Variants in NF2 observed in about 807,000 individuals in gnomAD.
The protein encoded by NF2 is NF2, moesin-ezrin-radixin like (MERLIN) tumor suppressor.
Under a neutral mutation model 83.7 loss-of-function variants are expected in NF2, and 8 were observed. That is an observed-to-expected ratio of 0.10 (90% CI 0.06 to 0.17). The LOEUF (loss-of-function observed/expected upper bound fraction) is 0.17, where lower values mean the gene tolerates loss of function less well. Among genes scored for constraint, NF2 ranks in the 10% least tolerant of loss-of-function variants. The pLI is 1.00. For missense variants in NF2, 533 were observed against 744.4 expected (o/e 0.72, Z 3.31); for synonymous variants, 266 against 269.6 (o/e 0.99, Z 0.13).
chr22:29,674,760 C>A, intron 12 of NF2, 76 bp from the exon 13 acceptor site: 2 of 1,333,580 alleles, frequency 1.5e-6, no homozygotes, highest in Non-Finnish European at 2.1e-6. Context: ...GGTCCCTCCT[C>A]TGCAGGGGTG....
intron 1 of NF2, among the ~76,000 whole-genome samples, chr22:29,631,849 A>C (rs932386042): frequency 6.6e-6 from 1 of 152,240 alleles, no homozygotes; most frequent in African/African-American, 2.4e-5. Context: ...AGCACAAGGA[A>C]GTTCAGTCAC....
Position 29,641,379 on chromosome 22 carries a change from T to G in NF2, c.364-823T>G, listed in dbSNP as rs2146887634. ...ATAGAAATGGCTTTCTTGTAAGTAC[T>G]TGGAAGCACTGCCTGTCTCTTGTGT... On this transcript the variant is annotated intron_variant, in intron 3 of 15. Transcript: ENST00000338641. Among the ~76,000 whole-genome samples the G allele has an allele frequency of 2.0e-5, 3 of 152,348 alleles. No individual in the cohort carries two copies. In the South Asian group the frequency reaches 6.2e-4, roughly 32 times the overall value.
chr22:29,684,042 C>A, intron 15 of NF2: 1 of 485,108 alleles, frequency 2.1e-6, no homozygotes, highest in Non-Finnish European at 2.7e-6. Flanking sequence ...CTCATTGGAA[C>A]CTTTCTAACA....
chr22:29,649,642 T>C (rs1209293008), intron 4 of NF2, among the ~76,000 whole-genome samples: 1 of 152,080 alleles, frequency 6.6e-6, no homozygotes, highest in East Asian at 1.9e-4. Flanking sequence ...CTCAGGAGGC[T>C]GAGGCACGAG....
Position 29,636,738 on chromosome 22 carries a change from TTTG to T in NF2, c.115-10_115-8del. On this transcript the variant is annotated splice_polypyrimidine_tract_variant and intron_variant, in intron 1 of 15. Transcript: ENST00000338641. The surrounding 1 kb of genome is among the most constrained non-coding windows in gnomAD (Gnocchi z 4.4). ...TGCTCACAGTGTCCTTCCCCATTGG[TTTG>T]TTATTGCAGATGAAGTGGAAAGGGA... The T allele has an allele frequency of 6.2e-7, 1 of 1,614,098 alleles. No individual in the cohort carries two copies. Among genetic ancestry groups the T allele is most frequent in the Middle Eastern group, 1.7e-4 (1 of 6,052 alleles).
At chr22:29,641,163 C>T (rs192537678) in intron 3 of NF2, among the ~76,000 whole-genome samples, 1 of 144,134 alleles carries the variant, frequency 6.9e-6, no homozygotes, top group Non-Finnish European at 1.5e-5. Flanking sequence ...TGCAGTTTTT[C>T]TATAGCGTTG....
intron 8 of NF2, among the ~76,000 whole-genome samples, chr22:29,663,286 C>A (rs750300245): frequency 9.9e-5 from 15 of 152,204 alleles, no homozygotes; most frequent in South Asian, 2.1e-4. Context: ...AACACCCGTT[C>A]TTCAAAGAAG....
intron 6 of NF2, among the ~76,000 whole-genome samples, chr22:29,656,513 G>A (rs982241009): frequency 2.8e-5 from 4 of 143,062 alleles, no homozygotes; most frequent in South Asian, 2.3e-4. Flanking sequence ...CCAGGTTCAC[G>A]CCATTCTCCT....
At chr22:29,650,520 C>G (rs570442373) in intron 4 of NF2, among the ~76,000 whole-genome samples, 2 of 151,964 alleles carry the variant, frequency 1.3e-5, no homozygotes, top group East Asian at 3.9e-4. Flanking sequence ...TTGTTTGTTT[C>G]TTTCTTTTTC....
intron 4 of NF2, among the ~76,000 whole-genome samples, chr22:29,650,444 T>TACAA (rs1327270283): frequency 1.3e-5 from 2 of 152,200 alleles, no homozygotes; most frequent in Non-Finnish European, 2.9e-5. Flanking sequence ...TTCATAAACT[T>TACAA]ACTGTCCATT....
intron 12 of NF2, 64 bp from the exon 13 acceptor site, chr22:29,674,772 G>C (rs939490305): frequency 8.5e-6 from 12 of 1,416,832 alleles, no homozygotes; most frequent in African/African-American, 1.4e-5. Context: ...GCAGGGGTGG[G>C]GTGGTGTCTT....
chr22:29,645,718 T>C (rs1327553046), intron 4 of NF2, among the ~76,000 whole-genome samples: 2 of 152,190 alleles, frequency 1.3e-5, no homozygotes, highest in African/African-American at 4.8e-5. Context: ...TTTCTTTCCA[T>C]GGATTTTTGG....
chr22:29,665,165 G>A (rs1458524792), intron 9 of NF2, 101 bp downstream of exon 9: 2 of 905,228 alleles, frequency 2.2e-6, no homozygotes, highest in South Asian at 1.4e-5. Context: ...GTGAAGTATA[G>A]AATGGTATCT....
chr22:29,672,377 G>A (rs1449401855), intron 11 of NF2, among the ~76,000 whole-genome samples: 2 of 146,056 alleles, frequency 1.4e-5, no homozygotes, highest in East Asian at 2.1e-4. Context: ...ACAGTGGCAC[G>A]ATCTCAGCTT....
At chr22:29,653,989 G>GT (rs966282601) in intron 4 of NF2, among the ~76,000 whole-genome samples, 84 of 133,792 alleles carry the variant, frequency 6.3e-4, no homozygotes, top group Non-Finnish European at 5.2e-4. Flanking sequence ...TAGGAAAGGA[G>GT]TTTTTTTTTT....
chr22:29,679,026 G>C (rs1363621116), intron 14 of NF2, among the ~76,000 whole-genome samples: 1 of 152,240 alleles, frequency 6.6e-6, no homozygotes, highest in Non-Finnish European at 1.5e-5. Flanking sequence ...TAGCTACCAT[G>C]CATTGAGTGC....
At chr22:29,608,172 CAAAAA>C (rs570144418) in intron 1 of NF2, among the ~76,000 whole-genome samples, 3 of 31,706 alleles carry the variant, frequency 9.5e-5, no homozygotes, top group East Asian at 1.3e-3. Context: ...GACTCTGTCT[CAAAAA>C]AAAAAAAAAA....
intron 8 of NF2, among the ~76,000 whole-genome samples, chr22:29,661,790 G>A (rs1387933623): frequency 6.6e-6 from 1 of 152,004 alleles, no homozygotes; most frequent in African/African-American, 2.4e-5. Flanking sequence ...AATTCTCTTC[G>A]TATTTTAAGT....
At chr22:29,652,660 G>A (rs1004320696) in intron 4 of NF2, among the ~76,000 whole-genome samples, 4 of 152,134 alleles carry the variant, frequency 2.6e-5, no homozygotes, top group African/African-American at 9.7e-5. Context: ...TAAGAGTCCT[G>A]CAAGATAAAT....
Sources: gnomAD v4.1 joint callset for allele counts (sites outside exome capture counted in the v4.1 genomes callset) on GRCh38, gnomAD v4.1.1 for gene constraint, Gnocchi (gnomAD v3.1) non-coding constraint, MANE v1.5 for transcripts, NCBI Gene and HGNC (gene_info 2026-07-23, HGNC 2026-07-21) for gene names.